Variants in PCDHGA3 observed in about 807,000 individuals in gnomAD.
The protein encoded by PCDHGA3 is protocadherin gamma-A3.
PCDHGA3 carries 40 observed loss-of-function variants against 58.5 expected under a neutral mutation model. The ratio of observed to expected loss-of-function variants is 0.68; its 90% confidence interval spans 0.53 to 0.89. The LOEUF is 0.89. Among genes scored for constraint, PCDHGA3 ranks in the 40% least tolerant of loss-of-function variants. The pLI is 0.00. For synonymous variants in PCDHGA3, 530 were observed against 525.7 expected (o/e 1.01, Z -0.11); for missense variants, 1,223 against 1,195.9 (o/e 1.02, Z -0.33).
At chr5:141,440,887 G>C (rs1423303973) in intron 1 of PCDHGA3, 4 of 152,206 alleles carry the variant, frequency 2.6e-5, no homozygotes, top group Non-Finnish European at 5.9e-5. Context: ...TCGGCCTTCA[G>C]GAAGATGTGC....
intron 1 of PCDHGA3, among the ~76,000 whole-genome samples, chr5:141,446,827 C>A (rs922071842): frequency 6.6e-6 from 1 of 152,114 alleles, no homozygotes; most frequent in Non-Finnish European, 1.5e-5. Context: ...TGGGTAGATC[C>A]TTATAAGGCT....
At chr5:141,393,303 G>C in intron 1 of PCDHGA3, 1 of 1,613,764 alleles carries the variant, frequency 6.2e-7, no homozygotes, top group Non-Finnish European at 8.5e-7. Context: ...GGATGTGGGC[G>C]TGAACTCCCT....
At chr5:141,363,137 AT>A (rs1429876533) in intron 1 of PCDHGA3, among the ~76,000 whole-genome samples, 1 of 152,234 alleles carries the variant, frequency 6.6e-6, no homozygotes, top group Admixed American at 6.5e-5. Context: ...GAAAGAGTGC[AT>A]TTAACAAATG....
chr5:141,388,591 A>G (rs761143693), intron 1 of PCDHGA3: 9 of 1,613,804 alleles, frequency 5.6e-6, no homozygotes, highest in African/African-American at 5.3e-5. Flanking sequence ...ACTGATGCCA[A>G]TGATAATGCT....
chr5:141,355,679 C>G (rs1759933363), intron 1 of PCDHGA3: 1 of 1,613,812 alleles, frequency 6.2e-7, no homozygotes. Flanking sequence ...GCTTTTGATC[C>G]GGATGTAGGT....
At chr5:141,466,450 G>T (rs139024933) in intron 1 of PCDHGA3, among the ~76,000 whole-genome samples, 1 of 152,172 alleles carries the variant, frequency 6.6e-6, no homozygotes, top group Non-Finnish European at 1.5e-5. Context: ...TGTCTATGGT[G>T]TTGGCTATTG....
At chr5:141,500,355 C>G (rs539892249) in intron 2 of PCDHGA3, among the ~76,000 whole-genome samples, 2 of 151,912 alleles carry the variant, frequency 1.3e-5, no homozygotes, top group Non-Finnish European at 2.9e-5. Flanking sequence ...ACTACAGGCG[C>G]CCACTACCAC....
At position 141,443,088 on chromosome 5, in the gene PCDHGA3, T is replaced by C. The variant is rs188899890; in HGVS notation, c.2425-51719T>C. On this transcript the variant is annotated intron_variant, in intron 1 of 3. Transcript: ENST00000253812. ...CGTCTTATGACTGAGTGTTCCAGTC[T>C]CCTTCTCAAGCTGAACCTTGCTTTT... is the stretch of plus-strand genomic sequence containing the variant. 2.9e-3 allele frequency among the ~76,000 whole-genome samples: 446 copies of C among 152,092 alleles called. 1 individual carries two copies. Among genetic ancestry groups the C allele is most frequent in the Middle Eastern group, 0.014 (4 of 294 alleles).
chr5:141,344,637 C>A lies in PCDHGA3; in HGVS notation c.604C>A (p.Arg202Ser). The A allele has an allele frequency of 6.2e-7, 1 of 1,613,842 alleles. No individual in the cohort carries two copies. Among genetic ancestry groups the A allele is most frequent in the Non-Finnish European group, 8.5e-7 (1 of 1,179,870 alleles). The change falls in exon 1 of 4, where the codon CGT becomes AGT. Residue 202 changes from arginine to serine, a missense_variant. Physicochemically the swap from Arg to Ser is moderately radical, Grantham distance 110. This residue lies in a region of PCDHGA3 where 791 missense variants were observed against 708.5 expected (regional missense o/e 1.12). Coordinates refer to ENST00000253812, the MANE Select transcript of PCDHGA3 (RefSeq NM_018916.4). Reference sequence around the variant, plus strand: ...GCTGGTGCTGGAGCGGGCCCTGGACCGTGAGAAAAAAGAAATTCACCAGCT... The same window carrying A: ...GCTGGTGCTGGAGCGGGCCCTGGACAGTGAGAAAAAAGAAATTCACCAGCT... ...PELVLERALD[R>S]EKKEIHQLVL...
intron 1 of PCDHGA3, chr5:141,405,100 G>A (rs764536213): frequency 1.2e-6 from 2 of 1,613,924 alleles, no homozygotes; most frequent in Non-Finnish European, 1.7e-6. Context: ...CCCTCAGGCT[G>A]AGGCACTGGC....
At chr5:141,496,080 C>G (rs2099765822) in intron 2 of PCDHGA3, among the ~76,000 whole-genome samples, 2 of 152,150 alleles carry the variant, frequency 1.3e-5, no homozygotes, top group East Asian at 1.9e-4. Context: ...ACACAACCCC[C>G]CACCCACCAC....
chr5:141,476,864 C>T lies in PCDHGA3; in HGVS notation c.2425-17943C>T, dbSNP rs1318457627. ...GCCTGTCTTCAACCAGTCCTTGTAC[C>T]GGGCGCGCGTCCTGGAGGATGCACC... is the stretch of plus-strand genomic sequence containing the variant. On this transcript the variant is annotated intron_variant, in intron 1 of 3. Coordinates refer to ENST00000253812, the MANE Select transcript of PCDHGA3 (RefSeq NM_018916.4). This position sits in a 1 kb window ranked among gnomAD's most constrained non-coding sequence, Gnocchi z 7.6. 4.3e-6 allele frequency: 7 copies of T among 1,613,838 alleles called. No homozygotes were observed. Among genetic ancestry groups the T allele is most frequent in the Non-Finnish European group, 5.9e-6 (7 of 1,180,044 alleles).
rs376494807 is a variant in PCDHGA3 at position 141,491,836 on chromosome 5, G to A, written c.2425-2971G>A. 4.2e-5 allele frequency: 62 copies of A among 1,472,880 alleles called. No homozygotes were observed. The highest frequency in any genetic ancestry group is 3.6e-4 in the Middle Eastern group (2 of 5,606). 91.2% of individuals were successfully genotyped at this position (1,472,880 alleles called of 1,614,324 possible). A position where few individuals can be genotyped will look rare whatever the true frequency, so the allele number is the denominator to read the frequency against. On this transcript the variant is annotated intron_variant, in intron 1 of 3. Coordinates refer to ENST00000253812, the MANE Select transcript of PCDHGA3 (RefSeq NM_018916.4). This position sits in a 1 kb window ranked among gnomAD's most constrained non-coding sequence, Gnocchi z 6.9. ...CTGGCTGCGCTCCACCCGATTCTCG[G>A]GATCATTGGACCGTTTGCGCGAAAC...
Position 141,477,531 on chromosome 5 carries a change from C to G in PCDHGA3, c.2425-17276C>G. ...GTTTACATTGAAGAAAACAACCTCC[C>G]CGGGGCTCCAATACTAAACCTAAGT... On this transcript the variant is annotated intron_variant, in intron 1 of 3. Coordinates refer to ENST00000253812, the MANE Select transcript of PCDHGA3 (RefSeq NM_018916.4). This position sits in a 1 kb window ranked among gnomAD's most constrained non-coding sequence, Gnocchi z 4.9. The G allele has an allele frequency of 6.2e-7, 1 of 1,614,162 alleles. No homozygotes were observed. Among genetic ancestry groups the G allele is most frequent in the South Asian group, 1.1e-5 (1 of 91,086 alleles).
intron 1 of PCDHGA3, chr5:141,424,465 A>G (rs564844819): frequency 1.3e-5 from 2 of 152,146 alleles, no homozygotes; most frequent in Admixed American, 6.5e-5. Context: ...ATTTCCTTTT[A>G]TTCTTTTACT....
Position 141,490,693 on chromosome 5 carries a change from G to A in PCDHGA3, c.2425-4114G>A. On this transcript the variant is annotated intron_variant, in intron 1 of 3. Coordinates refer to ENST00000253812, the MANE Select transcript of PCDHGA3 (RefSeq NM_018916.4). This position sits in a 1 kb window ranked among gnomAD's most constrained non-coding sequence, Gnocchi z 5.4. ...GGCTGCCTCAGATCCAGACACTGGGGATAATGCCCGCCTCACCTACTCCAT... is the reference window on the plus strand; with the variant it reads ...GGCTGCCTCAGATCCAGACACTGGGAATAATGCCCGCCTCACCTACTCCAT... 1.9e-6 allele frequency: 3 copies of A among 1,614,170 alleles called. No homozygotes were observed. Among genetic ancestry groups the A allele is most frequent in the Non-Finnish European group, 2.5e-6 (3 of 1,180,018 alleles).
chr5:141,408,624 A>G, intron 1 of PCDHGA3: 1 of 1,614,016 alleles, frequency 6.2e-7, no homozygotes, highest in Non-Finnish European at 8.5e-7. Flanking sequence ...ATACATTTAG[A>G]AATTTTCGAA....
chr5:141,497,084 G>A (rs1417389801), intron 2 of PCDHGA3, among the ~76,000 whole-genome samples: 1 of 152,098 alleles, frequency 6.6e-6, no homozygotes, highest in East Asian at 1.9e-4. Context: ...AGCGACTTAG[G>A]AGGCTGAGGC....
chr5:141,407,873 A>T (rs561323423), intron 1 of PCDHGA3: 1 of 354,686 alleles, frequency 2.8e-6, no homozygotes, highest in Non-Finnish European at 5.1e-6. Flanking sequence ...CGAAGAATAT[A>T]TACATTTCGG....
Sources: gnomAD v4.1 joint callset for allele counts (sites outside exome capture counted in the v4.1 genomes callset) on GRCh38, gnomAD v4.1.1 for gene constraint, gnomAD v4.1.1 regional missense constraint, Gnocchi (gnomAD v3.1) non-coding constraint, MANE v1.5 for transcripts, NCBI Gene and HGNC (gene_info 2026-07-23, HGNC 2026-07-21) for gene names.